The following COPS5 variants were observed in gnomAD, a reference collection of about 807,000 sequenced individuals.
COPS5 encodes COP9 signalosome subunit 5.
COPS5 carries 8 observed loss-of-function variants against 44.4 expected under a neutral mutation model. That is an observed-to-expected ratio of 0.18 (90% CI 0.11 to 0.32). The LOEUF (loss-of-function observed/expected upper bound fraction) is 0.32, where lower values mean the gene tolerates loss of function less well. Ranked by LOEUF, COPS5 falls within the 10% of genes least tolerant of loss-of-function variation. The pLI, the probability that COPS5 is intolerant of heterozygous loss-of-function variation, is 1.00. For missense variants in COPS5, 159 were observed against 406.4 expected, an observed-to-expected ratio of 0.39 and a Z score of 5.23; for synonymous variants, 122 against 142.8, an observed-to-expected ratio of 0.85 and a Z score of 1.04.
rs536333227 is a variant in COPS5 at position 67,048,793 on chromosome 8, T to TA, written c.771+2436dup. 1.2e-4 allele frequency among the ~76,000 whole-genome samples: 18 copies of TA among 151,936 alleles called. No individual in the cohort carries two copies. In the South Asian group the frequency reaches 2.3e-3, roughly 19 times the overall value. On this transcript the variant is annotated intron_variant, in intron 6 of 7. Coordinates refer to ENST00000357849, the MANE Select transcript of COPS5 (RefSeq NM_006837.3). ...TTCCCATGAATATAATGCACCAAAT[T>TA]AAAAAAAATCATTAATTGAGGCTTT...
chr8:67,056,111 A>C (rs1456730492), intron 5 of COPS5, among the ~76,000 whole-genome samples: 2 of 152,320 alleles, frequency 1.3e-5, no homozygotes, highest in East Asian at 3.9e-4. Context: ...GAAAAAGTTT[A>C]GGTTGTTTAA....
intron 5 of COPS5, among the ~76,000 whole-genome samples, chr8:67,053,491 A>T (rs538842447): frequency 6.9e-6 from 1 of 143,928 alleles, no homozygotes; most frequent in Non-Finnish European, 1.5e-5. Flanking sequence ...ACCTGAGGTC[A>T]GGAGTTCGAG....
intron 5 of COPS5, among the ~76,000 whole-genome samples, chr8:67,052,124 G>A (rs1452517134): frequency 1.3e-5 from 2 of 152,064 alleles, no homozygotes; most frequent in Non-Finnish European, 2.9e-5. Flanking sequence ...TACCAACTAA[G>A]GGTTAGAGAT....
intron 5 of COPS5, among the ~76,000 whole-genome samples, chr8:67,056,133 C>T (rs530962777): frequency 6.6e-6 from 1 of 152,048 alleles, no homozygotes; most frequent in South Asian, 2.1e-4. Context: ...AGGCAAATGA[C>T]ATGCTAGTTT....
At chr8:67,047,819 C>T in intron 6 of COPS5, 1 of 702,554 alleles carries the variant, frequency 1.4e-6, no homozygotes. Context: ...TCTCCCCTTG[C>T]CATCAGGTGT....
chr8:67,044,353 C>T (rs746628474), intron 7 of COPS5: 3 of 151,570 alleles, frequency 2.0e-5, no homozygotes, highest in Non-Finnish European at 2.9e-5. Flanking sequence ...AGCCGAAAAA[C>T]GCAACTTTTA....
chr8:67,050,558 A>AGTGTGT (rs34629150), intron 6 of COPS5, among the ~76,000 whole-genome samples: 1,597 of 141,080 alleles, frequency 0.011, 26 homozygotes, highest in African/African-American at 0.033. Context: ...TGTGAGTGTG[A>AGTGTGT]GTGTGTGTGT....
Position 67,045,794 on chromosome 8 carries a change from T to C in COPS5, c.920+18A>G. On this transcript the variant is annotated intron_variant, in intron 7 of 7. Transcript: ENST00000357849. The stretch of plus-strand genomic sequence containing the variant: ...AAAAGAGTTAGGGGCAACAGGAATC[T>C]TATAGATTTACTCTTACCTGTCTCT... 6.2e-7 allele frequency: 1 copy of C among 1,613,730 alleles called. No individual in the cohort carries two copies. Among genetic ancestry groups the C allele is most frequent in the Non-Finnish European group, 8.5e-7 (1 of 1,179,696 alleles).
intron 5 of COPS5, among the ~76,000 whole-genome samples, chr8:67,052,230 G>A (rs1375629625): frequency 6.6e-6 from 1 of 152,044 alleles, no homozygotes; most frequent in Non-Finnish European, 1.5e-5. Context: ...TGAGTCTATG[G>A]TATGGATATG....
rs71249414 is a variant in COPS5, at chr8:67,056,652, AATATATATATATATATATATATATATAT to A, written c.574-76_574-49del. The A allele has an allele frequency of 1.7e-4, 6 of 35,374 alleles. 1 individual carries two copies. The highest frequency in any genetic ancestry group is 1.1e-3 in the Admixed American group (2 of 1,866). The allele number at this position is 35,374 out of a possible 1,614,324, so 2.2% of individuals were successfully genotyped here. A position where few individuals can be genotyped will look rare whatever the true frequency, so the allele number is the denominator to read the frequency against. ...GAAGATTAAGAAAAAAAAAAAAAAA[AATATATATATATATATATATATATATAT>A]ATATATATATATATATATATATATA... On this transcript the variant is annotated intron_variant, in intron 4 of 7. Transcript: ENST00000357849.
chr8:67,046,052 A>G (rs530011251), intron 6 of COPS5, 92 bp from the exon 7 acceptor site: 3 of 1,262,678 alleles, frequency 2.4e-6, no homozygotes, highest in African/African-American at 3.0e-5. Context: ...TCTACAAAGA[A>G]TATTTCATTT....
intron 4 of COPS5, 117 bp downstream of exon 4, chr8:67,057,263 G>T: frequency 2.0e-6 from 1 of 490,334 alleles, no homozygotes; most frequent in Non-Finnish European, 3.5e-6. Flanking sequence ...AGGCTGAGTT[G>T]GCTTGAGCCT....
Position 67,061,946 on chromosome 8 carries a change from G to A in COPS5, c.51C>T (p.Asn17=), listed in dbSNP as rs1804650752. 2.5e-6 allele frequency: 4 copies of A among 1,614,240 alleles called. No homozygotes were observed. The highest frequency in any genetic ancestry group is 3.4e-6 in the Non-Finnish European group (4 of 1,180,054). Residue 17 remains asparagine (N), a synonymous_variant, in exon 1 of 8, where the codon AAC becomes AAT. Transcript: ENST00000357849. ...GMAQKTWELA[N]NMQEAQSIDE... Reference sequence around the variant, plus strand: ...CGATACTCTGAGCTTCCTGCATGTTGTTGGCCAGTTCCCAGGTTTTCTGGG... The same window carrying A: ...CGATACTCTGAGCTTCCTGCATGTTATTGGCCAGTTCCCAGGTTTTCTGGG...
At chr8:67,048,131 A>C (rs1037248811) in intron 6 of COPS5, among the ~76,000 whole-genome samples, 11 of 151,934 alleles carry the variant, frequency 7.2e-5, no homozygotes, top group Non-Finnish European at 1.5e-4. Context: ...ATAAAAAATT[A>C]GTCAGGCATG....
chr8:67,054,597 C>T (rs932900862), intron 5 of COPS5, among the ~76,000 whole-genome samples: 2 of 152,090 alleles, frequency 1.3e-5, no homozygotes, highest in Non-Finnish European at 2.9e-5. Context: ...ATTGTATTTA[C>T]AGAAATATGT....
At chr8:67,059,122 T>A (rs1804551709) in intron 2 of COPS5, 89 bp downstream of exon 2, 4 of 768,946 alleles carry the variant, frequency 5.2e-6, no homozygotes, top group Non-Finnish European at 8.5e-6. Context: ...AAATTTCATG[T>A]AAAGGGGATA....
At position 67,060,409 on chromosome 8, in the gene COPS5, C is replaced by G. The variant is rs570024568; in HGVS notation, c.144-964G>C. ...GCAGTCAGTCAACGTCTCTACAAAGCCTTTTTAGATGTCTGCCCACAGAAA... is the reference window on the plus strand; with the variant it reads ...GCAGTCAGTCAACGTCTCTACAAAGGCTTTTTAGATGTCTGCCCACAGAAA... On this transcript the variant is annotated intron_variant, in intron 1 of 7. Coordinates refer to ENST00000357849, the MANE Select transcript of COPS5 (RefSeq NM_006837.3). 1.6e-5 allele frequency: 20 copies of G among 1,281,834 alleles called. No homozygotes were observed. The African/African-American group carries it at 2.3e-4, about 15-fold the overall frequency. The allele number at this position is 1,281,834 out of a possible 1,614,324, so 79.4% of individuals were successfully genotyped here.
chr8:67,049,785 T>C (rs899831082), intron 6 of COPS5, among the ~76,000 whole-genome samples: 1 of 152,200 alleles, frequency 6.6e-6, no homozygotes, highest in Non-Finnish European at 1.5e-5. Context: ...CTATGACTCC[T>C]GCTGCTGTAG....
chr8:67,059,379 T>C lies in COPS5; in HGVS notation c.210A>G (p.Arg70=). 6 of 1,614,224 alleles carry C rather than the reference T, an allele frequency of 3.7e-6. No homozygotes were observed. The highest frequency in any genetic ancestry group is 3.3e-5 in the South Asian group (3 of 91,084). ...LALLKMVMHA[R]SGGNLEVMGL... ...CCATCACTTCCAAGTTGCCTCCCGA[T>C]CTGGCATGCATCACCATCTTCAGCA... The change falls in exon 2 of 8, where the codon AGA becomes AGG. Residue 70 remains arginine (R), a synonymous_variant. Coordinates refer to ENST00000357849, the MANE Select transcript of COPS5 (RefSeq NM_006837.3).
Sources: gnomAD v4.1 joint callset for allele counts (sites outside exome capture counted in the v4.1 genomes callset) on GRCh38, gnomAD v4.1.1 for gene constraint, MANE v1.5 for transcripts, NCBI Gene and HGNC (gene_info 2026-07-23, HGNC 2026-07-21) for gene names.